The following EGFL6 variants were observed in gnomAD, a reference collection of about 807,000 sequenced individuals.
EGFL6 encodes the protein EGF like domain multiple 6, also known as epidermal growth factor-like protein 6.
In EGFL6, 42 loss-of-function variants were observed where a neutral mutation model predicts 43.1. The observed-to-expected ratio is 0.98, with a 90% CI of 0.76 to 1.26. EGFL6 has a LOEUF of 1.26. Among genes scored for constraint, EGFL6 ranks in the 50% most tolerant of loss-of-function variants. The probability of loss-of-function intolerance (pLI) is 0.00; values close to 1 mark genes in which losing one functional copy is unlikely to be tolerated. For synonymous variants in EGFL6, 164 were observed against 163.2 expected (o/e 1.01, Z -0.04); for missense variants, 429 against 427.8 (o/e 1.00, Z -0.02).
At chrX:13,632,297 G>GTT (rs1158372735) in intron 11 of EGFL6, among the ~76,000 whole-genome samples, 219 of 81,100 alleles carry the variant, frequency 2.7e-3, no homozygotes, top group Middle Eastern at 6.4e-3. Flanking sequence ...TTGTTTTTTG[G>GTT]TTTTTTTTTT....
chrX:13,632,447 G>A (rs1471568170), intron 11 of EGFL6, among the ~76,000 whole-genome samples: 2 of 107,934 alleles, frequency 1.9e-5, no homozygotes, highest in Non-Finnish European at 3.8e-5. Context: ...GACTACAGGC[G>A]CCCACCACCA....
intron 2 of EGFL6, among the ~76,000 whole-genome samples, 195 bp downstream of exon 2, chrX:13,589,863 AT>A (rs1193176252): frequency 8.9e-6 from 1 of 112,758 alleles, no homozygotes. Flanking sequence ...ACTTGGCATG[AT>A]TTATTTTAGA....
intron 1 of EGFL6, among the ~76,000 whole-genome samples, chrX:13,586,042 C>T (rs1285181068): frequency 8.9e-6 from 1 of 112,270 alleles, no homozygotes; most frequent in Non-Finnish European, 1.9e-5. Flanking sequence ...AAATTTCAAT[C>T]TTGTTTTCAA....
At chrX:13,631,104 G>A (rs1010502997) in intron 11 of EGFL6, among the ~76,000 whole-genome samples, 11 of 112,388 alleles carry the variant, frequency 9.8e-5, no homozygotes, top group East Asian at 8.3e-4. Context: ...TGCAGTATGC[G>A]TAGGCTATTG....
intron 4 of EGFL6, 82 bp from the exon 5 acceptor site, chrX:13,603,235 G>T (rs2045642998): frequency 2.9e-6 from 3 of 1,045,999 alleles, no homozygotes; most frequent in Non-Finnish European, 3.8e-6. Context: ...CCATTCAATG[G>T]CTCAGAATTT....
intron 1 of EGFL6, among the ~76,000 whole-genome samples, chrX:13,578,661 C>G (rs916667373): frequency 5.4e-5 from 6 of 111,026 alleles, no homozygotes; most frequent in African/African-American, 2.0e-4. Flanking sequence ...CCATCATTCT[C>G]AGCAAACTAT....
Position 13,617,775 on chromosome X carries a change from C to A in EGFL6, c.824C>A (p.Thr275Asn). 3 of 1,210,985 alleles carry A rather than the reference C, an allele frequency of 2.5e-6. No homozygotes were observed. Among genetic ancestry groups the A allele is most frequent in the Non-Finnish European group, 3.4e-6 (3 of 895,124 alleles). Residue 275 changes from threonine (T) to asparagine (N), a missense_variant, in exon 8 of 12, where the codon ACC becomes AAC. Physicochemically the swap from Thr to Asn is moderately conservative, Grantham distance 65 (BLOSUM62 0). Coordinates refer to ENST00000361306, the MANE Select transcript of EGFL6 (RefSeq NM_015507.4). ...SVKEVLRAPG[T>N]IKDRIKKLLA... The stretch of plus-strand genomic sequence containing the variant: ...AAGGAAGTCCTCAGAGCACCTGGTA[C>A]CATCAAAGACAGAATCAAGAAGTTG...
Position 13,617,030 on chromosome X carries a change from C to T in EGFL6, c.779-700C>T, listed in dbSNP as rs940448047. Among the ~76,000 whole-genome samples the T allele has an allele frequency of 9.4e-4, 98 of 104,656 alleles. No individual in the cohort carries two copies. In the Middle Eastern group the frequency reaches 0.014, roughly 15 times the overall value. The allele number at this position is 104,656 out of a possible 115,157, so 90.9% of individuals were successfully genotyped here. A position where few individuals can be genotyped will look rare whatever the true frequency, so the allele number is the denominator to read the frequency against. Reference sequence around the variant, plus strand: ...GACTACAGGCGCCCGCCACCGCGCCCGGCTAATTTTTTGTATTTTTAGTAG... The same window carrying T: ...GACTACAGGCGCCCGCCACCGCGCCTGGCTAATTTTTTGTATTTTTAGTAG... On this transcript the variant is annotated intron_variant, in intron 7 of 11. Transcript: ENST00000361306.
rs774938450 is a variant in EGFL6 at position 13,605,624 on chromosome X, C to T, written c.521-755C>T. Among the ~76,000 whole-genome samples, 3 of 103,771 alleles carry T rather than the reference C, an allele frequency of 2.9e-5. No homozygotes were observed. In the South Asian group the frequency reaches 1.3e-3, roughly 46 times the overall value. The allele number at this position is 103,771 out of a possible 115,157, so 90.1% of individuals were successfully genotyped here. On this transcript the variant is annotated intron_variant, in intron 5 of 11. Coordinates refer to ENST00000361306, the MANE Select transcript of EGFL6 (RefSeq NM_015507.4). ...GATTGCAAGGGAAATAGTAAGACAA[C>T]ATCAACTTGCCGGTTTAAGCCAGGT... is the stretch of plus-strand genomic sequence containing the variant.
At chrX:13,621,656 C>T (rs1476179150) in intron 9 of EGFL6, among the ~76,000 whole-genome samples, 1 of 112,357 alleles carries the variant, frequency 8.9e-6, no homozygotes, top group East Asian at 2.8e-4. Context: ...AACTTCCCAG[C>T]ATTCTAGCTC....
intron 3 of EGFL6, chrX:13,596,151 A>C (rs1469840239): frequency 8.9e-6 from 1 of 112,517 alleles, no homozygotes; most frequent in Non-Finnish European, 1.9e-5. Flanking sequence ...GTTGCCAGAT[A>C]AAATACAGAT....
intron 11 of EGFL6, among the ~76,000 whole-genome samples, chrX:13,628,135 C>T (rs148267756): frequency 9.0e-6 from 1 of 111,045 alleles, no homozygotes; most frequent in Non-Finnish European, 1.9e-5. Context: ...CTCAGGTAAA[C>T]AAAGGCACTC....
intron 7 of EGFL6, among the ~76,000 whole-genome samples, chrX:13,613,750 G>A (rs1455982879): frequency 1.8e-5 from 2 of 112,181 alleles, no homozygotes; most frequent in Non-Finnish European, 3.8e-5. Flanking sequence ...AGGAGTAGGA[G>A]TAATAGTGAC....
intron 10 of EGFL6, among the ~76,000 whole-genome samples, chrX:13,624,675 C>A (rs781034841): frequency 1.8e-5 from 2 of 111,823 alleles, no homozygotes; most frequent in African/African-American, 6.5e-5. Context: ...CCTTCAGGGA[C>A]TCCAGTTACT....
intron 1 of EGFL6, among the ~76,000 whole-genome samples, chrX:13,586,362 A>G (rs1463739706): frequency 8.9e-6 from 1 of 112,111 alleles, no homozygotes; most frequent in Non-Finnish European, 1.9e-5. Context: ...ATATACAACT[A>G]TAATATGTCT....
intron 9 of EGFL6, among the ~76,000 whole-genome samples, chrX:13,621,383 G>A (rs926904051): frequency 3.6e-5 from 4 of 111,802 alleles, no homozygotes; most frequent in Non-Finnish European, 7.5e-5. Context: ...CTCCCATCTG[G>A]CATTGATTGA....
At chrX:13,572,945 G>T (rs1048121764) in intron 1 of EGFL6, among the ~76,000 whole-genome samples, 8 of 112,297 alleles carry the variant, frequency 7.1e-5, no homozygotes, top group South Asian at 3.7e-4. Context: ...CTCCAGGGAG[G>T]TTCCATTTCT....
chrX:13,633,068 A>AGAT lies in EGFL6; in HGVS notation c.1636_1638dup (p.Asp546dup). ...TCTTGCTTGTTTCAGGCTTATGTCC[A>AGAT]GATAGCCTTTTATCTGTGGATGACT... On this transcript the variant is annotated inframe_insertion, in exon 12 of 12. Transcript: ENST00000361306. The AGAT allele has an allele frequency of 8.3e-7, 1 of 1,199,646 alleles. No individual in the cohort carries two copies. The highest frequency in any genetic ancestry group is 3.0e-5 in the East Asian group (1 of 33,062).
intron 7 of EGFL6, among the ~76,000 whole-genome samples, chrX:13,616,726 G>C (rs2045719941): frequency 8.9e-6 from 1 of 112,522 alleles, no homozygotes; most frequent in Non-Finnish European, 1.9e-5. Flanking sequence ...TTAACACCCA[G>C]TTGCCTCATC....
Sources: allele counts gnomAD v4.1 joint callset (sites outside exome capture counted in the v4.1 genomes callset), GRCh38; gene constraint gnomAD v4.1.1; transcripts MANE v1.5; gene names NCBI Gene and HGNC (gene_info 2026-07-23, HGNC 2026-07-21).